The following ADAM22 variants were observed in gnomAD, a reference collection of about 807,000 sequenced individuals.
ADAM22 encodes the protein ADAM metallopeptidase domain 22.
In ADAM22, 65 loss-of-function variants were observed where a neutral mutation model predicts 144.6. The observed-to-expected ratio is 0.45, with a 90% CI of 0.37 to 0.55. The LOEUF (loss-of-function observed/expected upper bound fraction) is 0.55. Among genes scored for constraint, ADAM22 ranks in the 20% least tolerant of loss-of-function variants. The probability of loss-of-function intolerance (pLI) is 0.00; values close to 1 mark genes in which losing one functional copy is unlikely to be tolerated. For synonymous variants in ADAM22, 391 were observed against 412.6 expected (o/e 0.95, Z 0.63); for missense variants, 974 against 1,184.9 (o/e 0.82, Z 2.61).
intron 3 of ADAM22, among the ~76,000 whole-genome samples, chr7:87,984,755 A>G (rs1854533705): frequency 6.6e-6 from 1 of 152,062 alleles, no homozygotes; most frequent in South Asian, 2.1e-4. Flanking sequence ...ATCTCGGCTT[A>G]CTACAGCCTC....
intron 3 of ADAM22, among the ~76,000 whole-genome samples, chr7:88,000,597 A>G (rs926134932): frequency 1.3e-5 from 2 of 152,106 alleles, no homozygotes; most frequent in Admixed American, 6.6e-5. Context: ...ACAATATTCT[A>G]GTTTTGCATT....
At chr7:87,998,105 A>T (rs1791659406) in intron 3 of ADAM22, among the ~76,000 whole-genome samples, 1 of 152,164 alleles carries the variant, frequency 6.6e-6, no homozygotes. Context: ...GCACAGGAGG[A>T]AGATAGAGGC....
intron 4 of ADAM22, among the ~76,000 whole-genome samples, chr7:88,097,190 C>G (rs1236212659): frequency 7.1e-6 from 1 of 140,576 alleles, no homozygotes; most frequent in Non-Finnish European, 1.5e-5. Context: ...CTCACTCTGT[C>G]ACCCAGGCTG....
intron 3 of ADAM22, among the ~76,000 whole-genome samples, chr7:88,000,134 T>G (rs1471216705): frequency 6.6e-6 from 1 of 152,228 alleles, no homozygotes; most frequent in Non-Finnish European, 1.5e-5. Flanking sequence ...TAATCTCTCA[T>G]TATTCTTTAG....
intron 3 of ADAM22, among the ~76,000 whole-genome samples, chr7:88,065,140 A>G (rs574492114): frequency 1.3e-5 from 2 of 152,226 alleles, no homozygotes; most frequent in Non-Finnish European, 2.9e-5. Flanking sequence ...CTATAGTGCC[A>G]CCACTCAAAG....
rs187488974 is a variant in ADAM22 at position 88,116,845 on chromosome 7, A to G, written c.607+31A>G. 1.3e-4 allele frequency: 194 copies of G among 1,490,106 alleles called. 1 individual carries two copies. In the East Asian group the frequency reaches 3.9e-3, roughly 30 times the overall value. The allele number at this position is 1,490,106 out of a possible 1,614,324, so 92.3% of individuals were successfully genotyped here. A position where few individuals can be genotyped will look rare whatever the true frequency, so the allele number is the denominator to read the frequency against. ...ATGTTCATATAGTGACTTTTTATCT[A>G]AAAGACAACTTCAGTAATTTATTTA... On this transcript the variant is annotated intron_variant, in intron 7 of 31. Transcript: ENST00000413139.
At chr7:88,185,067 C>T (rs1239526889) in intron 29 of ADAM22, among the ~76,000 whole-genome samples, 1 of 152,190 alleles carries the variant, frequency 6.6e-6, no homozygotes, top group Non-Finnish European at 1.5e-5. Flanking sequence ...CATTCACTAG[C>T]CTTCATTTGT....
At chr7:88,178,846 C>T (rs1486813587) in intron 26 of ADAM22, 89 bp from the exon 27 acceptor site, 2 of 711,728 alleles carry the variant, frequency 2.8e-6, no homozygotes, top group East Asian at 2.8e-5. Flanking sequence ...TTATCCCTAC[C>T]TCTCTTTTTT....
intron 6 of ADAM22, among the ~76,000 whole-genome samples, chr7:88,115,538 A>G (rs144139956): frequency 6.6e-6 from 1 of 151,864 alleles, no homozygotes; most frequent in East Asian, 1.9e-4. Context: ...GAGAGAGAGA[A>G]CTCTGGTTGT....
intron 2 of ADAM22, among the ~76,000 whole-genome samples, chr7:87,965,364 C>T (rs570764197): frequency 3.9e-5 from 6 of 152,122 alleles, no homozygotes; most frequent in African/African-American, 7.2e-5. Context: ...AACTTTTAGA[C>T]GAGTGAGATA....
chr7:88,155,436 C>T (rs952527462), intron 21 of ADAM22, among the ~76,000 whole-genome samples: 2 of 150,702 alleles, frequency 1.3e-5, no homozygotes, highest in African/African-American at 4.9e-5. Context: ...GGCAGGAGGA[C>T]CACTGGAATC....
chr7:87,995,287 CT>C (rs1367771327), intron 3 of ADAM22, among the ~76,000 whole-genome samples: 1 of 152,138 alleles, frequency 6.6e-6, no homozygotes, highest in Non-Finnish European at 1.5e-5. Flanking sequence ...TCTAGAAGGA[CT>C]TTCCTTTTGA....
At chr7:87,947,476 A>G (rs1843978334) in intron 2 of ADAM22, among the ~76,000 whole-genome samples, 1 of 152,116 alleles carries the variant, frequency 6.6e-6, no homozygotes, top group Non-Finnish European at 1.5e-5. Context: ...GTCAAACCAC[A>G]GTGTATAGCA....
chr7:88,054,613 TG>T (rs1807672961), intron 3 of ADAM22, among the ~76,000 whole-genome samples: 1 of 151,616 alleles, frequency 6.6e-6, no homozygotes, highest in Non-Finnish European at 1.5e-5. Flanking sequence ...TGTGTGTGTG[TG>T]TGTGTGTGTG....
intron 3 of ADAM22, among the ~76,000 whole-genome samples, chr7:88,053,596 GAAAGAAAGAAAGAAAGAAA>G (rs1807209089): frequency 3.9e-4 from 13 of 33,390 alleles, no homozygotes; most frequent in African/African-American, 1.1e-3. Context: ...AGGAAGGAAA[GAAAGAAAGAAAGAAAGAAA>G]GAAAGAAAGA....
At chr7:88,083,869 C>G (rs940107088) in intron 4 of ADAM22, among the ~76,000 whole-genome samples, 1 of 151,938 alleles carries the variant, frequency 6.6e-6, no homozygotes, top group South Asian at 2.1e-4. Context: ...CAGGATTCAT[C>G]TAGATATAAC....
At chr7:88,180,905 A>G (rs969707372) in intron 27 of ADAM22, among the ~76,000 whole-genome samples, 4 of 152,178 alleles carry the variant, frequency 2.6e-5, no homozygotes, top group African/African-American at 9.6e-5. Context: ...CACTGTCATG[A>G]TAAACATCTG....
At position 88,130,577 on chromosome 7, in the gene ADAM22, T is replaced by C. The variant is rs909900323; in HGVS notation, c.825+118T>C. On this transcript the variant is annotated intron_variant, in intron 10 of 31. Transcript: ENST00000413139. ...TCTATGTTGCACTTCAGCCAAGGTG[T>C]CTAGTAAGTTCCGGGTGACCTTGCA... The C allele has an allele frequency of 7.5e-6, 7 of 937,334 alleles. No homozygotes were observed. In the Admixed American group the frequency reaches 1.6e-4, roughly 22 times the overall value. 58.1% of individuals were successfully genotyped at this position (937,334 alleles called of 1,614,324 possible). A position where few individuals can be genotyped will look rare whatever the true frequency, so the allele number is the denominator to read the frequency against.
chr7:88,091,165 G>T (rs1457045359), intron 4 of ADAM22, among the ~76,000 whole-genome samples: 1 of 152,088 alleles, frequency 6.6e-6, no homozygotes, highest in African/African-American at 2.4e-5. Flanking sequence ...AGTCTTAGGG[G>T]CAAATAACTG....
Sources: allele counts gnomAD v4.1 joint callset (sites outside exome capture counted in the v4.1 genomes callset), GRCh38; gene constraint gnomAD v4.1.1; transcripts MANE v1.5; gene names NCBI Gene and HGNC (gene_info 2026-07-23, HGNC 2026-07-21).